The following CEP126 variants were observed in gnomAD, a reference collection of about 807,000 sequenced individuals.
CEP126 encodes the protein centrosomal protein of 126 kDa.
In CEP126, 74 loss-of-function variants were observed where a neutral mutation model predicts 107.8. That is an observed-to-expected ratio of 0.69 (90% CI 0.57 to 0.83). CEP126 has a LOEUF of 0.83. Among genes scored for constraint, CEP126 ranks in the 40% least tolerant of loss-of-function variants. The pLI is 0.00. For synonymous variants in CEP126, 449 were observed against 446.0 expected (o/e 1.01, Z -0.08); for missense variants, 1,237 against 1,281.9 (o/e 0.96, Z 0.53).
At chr11:101,954,801 G>C (rs1488718090) in intron 4 of CEP126, among the ~76,000 whole-genome samples, 1 of 152,018 alleles carries the variant, frequency 6.6e-6, no homozygotes, top group East Asian at 1.9e-4. Flanking sequence ...TGTAAAATTT[G>C]AAATTCTATA....
At chr11:101,926,926 TA>T (rs1940420606) in intron 2 of CEP126, among the ~76,000 whole-genome samples, 1 of 152,220 alleles carries the variant, frequency 6.6e-6, no homozygotes, top group African/African-American at 2.4e-5. Context: ...TTATTTAGGC[TA>T]TAATAAGTAG....
intron 4 of CEP126, among the ~76,000 whole-genome samples, chr11:101,955,095 A>G (rs1286430399): frequency 6.6e-6 from 1 of 152,200 alleles, no homozygotes; most frequent in African/African-American, 2.4e-5. Flanking sequence ...AAAGAGAAAA[A>G]AAATATATGA....
At chr11:101,972,654 A>G (rs1941145334) in intron 6 of CEP126, among the ~76,000 whole-genome samples, 1 of 152,002 alleles carries the variant, frequency 6.6e-6, no homozygotes, top group African/African-American at 2.4e-5. Flanking sequence ...TACAAAAATT[A>G]GCCGGGTGTG....
At chr11:101,923,980 T>G (rs866340280) in intron 2 of CEP126, among the ~76,000 whole-genome samples, 6 of 152,300 alleles carry the variant, frequency 3.9e-5, no homozygotes, top group Middle Eastern at 3.4e-3. Flanking sequence ...GACTTCTTAT[T>G]TTTTATTATT....
intron 2 of CEP126, among the ~76,000 whole-genome samples, chr11:101,935,159 A>C (rs760848559): frequency 9.2e-5 from 14 of 151,836 alleles, no homozygotes; most frequent in Non-Finnish European, 2.1e-4. Flanking sequence ...TATCTATTCA[A>C]ATATTTTGTC....
At chr11:101,935,587 C>T (rs1464454168) in intron 2 of CEP126, among the ~76,000 whole-genome samples, 1 of 152,016 alleles carries the variant, frequency 6.6e-6, no homozygotes, top group Non-Finnish European at 1.5e-5. Context: ...AAAATAATTT[C>T]CTTTCACCAT....
chr11:101,974,981 A>G (rs913832514), intron 6 of CEP126, among the ~76,000 whole-genome samples: 1 of 152,192 alleles, frequency 6.6e-6, no homozygotes, highest in Non-Finnish European at 1.5e-5. Flanking sequence ...ATGAGATAAA[A>G]CCCTGACACA....
At chr11:101,970,967 T>C (rs1941120446) in intron 6 of CEP126, among the ~76,000 whole-genome samples, 1 of 152,132 alleles carries the variant, frequency 6.6e-6, no homozygotes, top group African/African-American at 2.4e-5. Flanking sequence ...TTGAGCTACT[T>C]TGTTTCTTCA....
At chr11:101,993,531 T>C (rs1298627041) in intron 10 of CEP126, among the ~76,000 whole-genome samples, 1 of 152,202 alleles carries the variant, frequency 6.6e-6, no homozygotes, top group Non-Finnish European at 1.5e-5. Flanking sequence ...TGCATGTCTT[T>C]ATGATAGAAT....
intron 2 of CEP126, among the ~76,000 whole-genome samples, chr11:101,928,429 C>G (rs1183228339): frequency 6.6e-6 from 1 of 152,098 alleles, no homozygotes; most frequent in Non-Finnish European, 1.5e-5. Context: ...AGTCTAGGAA[C>G]TCTTTGCGTA....
In CEP126 at chr11:101,963,126, T is replaced by C; in HGVS notation, c.2091T>C (p.Asn697=). 6.2e-7 allele frequency: 1 copy of C among 1,614,114 alleles called. No homozygotes were observed. The highest frequency in any genetic ancestry group is 8.5e-7 in the Non-Finnish European group (1 of 1,180,014). ...KKSREDSISE[N]VTTLGGSGAD... ...CCAGGGAGGATTCTATCTCTGAAAA[T>C]GTTACGACTTTAGGAGGATCTGGAG... The change falls in exon 6 of 11, where the codon AAT becomes AAC. Residue 697 remains asparagine, a synonymous_variant. Transcript: ENST00000263468.
intron 4 of CEP126, among the ~76,000 whole-genome samples, chr11:101,954,547 A>G (rs1411476470): frequency 6.6e-6 from 1 of 152,176 alleles, no homozygotes; most frequent in Non-Finnish European, 1.5e-5. Flanking sequence ...TTCATTGTGC[A>G]TTAGAATACC....
At chr11:101,938,058 C>G (rs1029392376) in intron 2 of CEP126, among the ~76,000 whole-genome samples, 6 of 149,380 alleles carry the variant, frequency 4.0e-5, no homozygotes, top group Non-Finnish European at 8.9e-5. Context: ...GAGGCTGAGG[C>G]AGGAGAATGG....
chr11:101,953,711 A>G (rs1200426993), intron 4 of CEP126, among the ~76,000 whole-genome samples: 1 of 152,190 alleles, frequency 6.6e-6, no homozygotes, highest in African/African-American at 2.4e-5. Context: ...GCAAAGTAGT[A>G]CATTGAAGTG....
At chr11:101,993,152 G>A (rs1941404810) in intron 10 of CEP126, among the ~76,000 whole-genome samples, 1 of 152,062 alleles carries the variant, frequency 6.6e-6, no homozygotes, top group South Asian at 2.1e-4. Context: ...TTATTTCATT[G>A]CCCAGGTAAT....
chr11:101,934,225 T>C (rs116006825), intron 2 of CEP126, among the ~76,000 whole-genome samples: 42 of 152,214 alleles, frequency 2.8e-4, no homozygotes, highest in African/African-American at 9.1e-4. Flanking sequence ...AACTTGGCTC[T>C]TTTTGTCTCC....
intron 10 of CEP126, among the ~76,000 whole-genome samples, chr11:101,996,946 A>G (rs1941448960): frequency 6.6e-6 from 1 of 152,324 alleles, no homozygotes; most frequent in East Asian, 1.9e-4. Flanking sequence ...TGGTACCCAG[A>G]ATTTATCTAG....
intron 6 of CEP126, among the ~76,000 whole-genome samples, chr11:101,968,391 A>C (rs756097993): frequency 4.6e-5 from 7 of 152,142 alleles, no homozygotes; most frequent in Admixed American, 1.3e-4. Flanking sequence ...AGTTAAGTGA[A>C]ATAAGAGATG....
intron 4 of CEP126, among the ~76,000 whole-genome samples, chr11:101,951,779 T>C (rs144560728): frequency 6.6e-6 from 1 of 152,336 alleles, no homozygotes; most frequent in East Asian, 1.9e-4. Context: ...ATTGAGGGGA[T>C]AAATATCCAT....
Sources: allele counts gnomAD v4.1 joint callset (sites outside exome capture counted in the v4.1 genomes callset), GRCh38; gene constraint gnomAD v4.1.1; transcripts MANE v1.5; gene names NCBI Gene and HGNC (gene_info 2026-07-23, HGNC 2026-07-21).